The following VSTM2L variants were observed in gnomAD, a reference collection of about 807,000 sequenced individuals.
VSTM2L encodes the protein V-set and transmembrane domain-containing protein 2-like protein.
A neutral mutation model predicts 19.9 loss-of-function variants in VSTM2L; 9 were observed. The ratio of observed to expected loss-of-function variants is 0.45; its 90% CI spans 0.27 to 0.79. The LOEUF is 0.79. Ranked by LOEUF, VSTM2L falls within the 30% of genes least tolerant of loss-of-function variation. The probability of loss-of-function intolerance (pLI) is 0.15; values close to 1 mark genes in which losing one functional copy is unlikely to be tolerated. For missense variants in VSTM2L, 286 were observed against 295.5 expected (o/e 0.97, Z 0.24); for synonymous variants, 127 against 133.8 (o/e 0.95, Z 0.35).
At chr20:37,916,699 G>A (rs1395858061) in intron 1 of VSTM2L, among the ~76,000 whole-genome samples, 2 of 152,178 alleles carry the variant, frequency 1.3e-5, no homozygotes, top group Admixed American at 1.3e-4. Context: ...GGTTGTTTTG[G>A]GGATTAGGTA....
intron 1 of VSTM2L, among the ~76,000 whole-genome samples, chr20:37,918,836 A>T (rs906040364): frequency 6.6e-6 from 1 of 152,160 alleles, no homozygotes; most frequent in Non-Finnish European, 1.5e-5. Flanking sequence ...CTCCAGGCAG[A>T]CACGAGCCTA....
chr20:37,932,244 G>A (rs571559317), intron 2 of VSTM2L, among the ~76,000 whole-genome samples: 16 of 152,222 alleles, frequency 1.1e-4, no homozygotes, highest in East Asian at 1.9e-4. Flanking sequence ...ACACGCATAC[G>A]TGCACCAGGC....
chr20:37,912,984 G>A (rs531974154), intron 1 of VSTM2L, among the ~76,000 whole-genome samples: 10 of 150,974 alleles, frequency 6.6e-5, no homozygotes, highest in African/African-American at 1.7e-4. Flanking sequence ...TCTTCTCACC[G>A]CCCCCACCCA....
At chr20:37,937,049 C>T (rs891038308) in intron 3 of VSTM2L, among the ~76,000 whole-genome samples, 11 of 152,008 alleles carry the variant, frequency 7.2e-5, no homozygotes, top group East Asian at 1.9e-4. Context: ...AGTGACACCC[C>T]GTCTCTACTA....
chr20:37,911,878 ATGTATGTGCG>A (rs1031529240), intron 1 of VSTM2L, among the ~76,000 whole-genome samples: 1 of 147,516 alleles, frequency 6.8e-6, no homozygotes, highest in African/African-American at 2.5e-5. Context: ...TGCAGCCAGC[ATGTATGTGCG>A]TGTATGTGTG....
intron 2 of VSTM2L, among the ~76,000 whole-genome samples, chr20:37,932,067 G>A (rs1018479564): frequency 1.3e-5 from 2 of 152,214 alleles, no homozygotes; most frequent in Admixed American, 1.3e-4. Context: ...AGGGCACAGA[G>A]GGCCTCCCTT....
chr20:37,922,640 G>A (rs898342121), intron 1 of VSTM2L, among the ~76,000 whole-genome samples: 4 of 152,202 alleles, frequency 2.6e-5, no homozygotes, highest in Admixed American at 2.0e-4. Flanking sequence ...AGGCATCCTG[G>A]AGGAGGCAGC....
intron 1 of VSTM2L, among the ~76,000 whole-genome samples, chr20:37,928,692 C>G (rs1190443388): frequency 2.0e-5 from 3 of 152,130 alleles, no homozygotes; most frequent in Non-Finnish European, 4.4e-5. Flanking sequence ...GAGGTCAAGG[C>G]TGCCGCAAGC....
intron 3 of VSTM2L, among the ~76,000 whole-genome samples, chr20:37,937,339 C>G (rs2072946515): frequency 6.6e-6 from 1 of 152,120 alleles, no homozygotes; most frequent in East Asian, 1.9e-4. Context: ...AACTTGGGCC[C>G]AGGGAAGGAC....
At position 37,909,679 on chromosome 20, in the gene VSTM2L, C is replaced by A. The variant is rs2072769031; in HGVS notation, c.121+6208C>A. Reference sequence around the variant, plus strand: ...ATCCTGGAGTGGGCAAGGCTGATGGCACCTTGCAGTGGGTGGGCCCAGGCT... The same window carrying A: ...ATCCTGGAGTGGGCAAGGCTGATGGAACCTTGCAGTGGGTGGGCCCAGGCT... On this transcript the variant is annotated intron_variant, in intron 1 of 3. Transcript: ENST00000373461. 2.0e-5 allele frequency among the ~76,000 whole-genome samples: 3 copies of A among 152,192 alleles called. No individual in the cohort carries two copies. The South Asian group carries it at 6.2e-4, about 32-fold the overall frequency.
intron 3 of VSTM2L, among the ~76,000 whole-genome samples, chr20:37,940,228 G>A (rs563215843): frequency 6.4e-4 from 97 of 152,366 alleles, no homozygotes; most frequent in Non-Finnish European, 1.2e-3. Context: ...AGAGCACACA[G>A]GACCACAGGG....
rs778806227 is a variant in VSTM2L, at chr20:37,903,346, G to T, written c.-5G>T. On this transcript the variant is annotated 5_prime_UTR_variant, in exon 1 of 4. Transcript: ENST00000373461. ...GCGGCGGCGCCCCCGGCCCGAGAGC[G>T]CACGATGGGGGCCCCGCTCGCCGTA... 6.9e-7 allele frequency: 1 copy of T among 1,457,304 alleles called. No homozygotes were observed. The highest frequency in any genetic ancestry group is 1.3e-5 in the South Asian group (1 of 75,840). 90.3% of individuals were successfully genotyped at this position (1,457,304 alleles called of 1,614,324 possible).
At chr20:37,934,314 G>A (rs2072927478) in intron 3 of VSTM2L, among the ~76,000 whole-genome samples, 2 of 152,302 alleles carry the variant, frequency 1.3e-5, no homozygotes, top group South Asian at 2.1e-4. Context: ...GAGGCAGACA[G>A]GAGACAGGAG....
chr20:37,912,559 G>A (rs1460649284), intron 1 of VSTM2L, among the ~76,000 whole-genome samples: 2 of 152,212 alleles, frequency 1.3e-5, no homozygotes, highest in African/African-American at 4.8e-5. Flanking sequence ...AGTGCAGGCT[G>A]AGAGGGAGCC....
At chr20:37,939,115 T>C (rs369585256) in intron 3 of VSTM2L, among the ~76,000 whole-genome samples, 104 of 152,226 alleles carry the variant, frequency 6.8e-4, no homozygotes, top group African/African-American at 2.4e-3. Flanking sequence ...ATAAGAGTGA[T>C]GAAGCTTGGC....
chr20:37,943,924 C>G, intron 3 of VSTM2L, 57 bp from the exon 4 acceptor site: 3 of 325,894 alleles, frequency 9.2e-6, no homozygotes, highest in Non-Finnish European at 1.3e-5. Flanking sequence ...CCCCCCGACT[C>G]TTCTTCTCCC....
intron 1 of VSTM2L, among the ~76,000 whole-genome samples, chr20:37,929,489 C>G (rs2072896809): frequency 6.6e-6 from 1 of 152,194 alleles, no homozygotes; most frequent in South Asian, 2.1e-4. Flanking sequence ...AATCCCAGCA[C>G]TTTGGGAAGC....
At chr20:37,934,432 C>T (rs1009904232) in intron 3 of VSTM2L, among the ~76,000 whole-genome samples, 5 of 152,152 alleles carry the variant, frequency 3.3e-5, no homozygotes, top group East Asian at 1.9e-4. Context: ...TTGGCAGGGG[C>T]GTGAGGCAAG....
intron 1 of VSTM2L, among the ~76,000 whole-genome samples, chr20:37,918,654 G>A (rs889129354): frequency 1.3e-5 from 2 of 152,168 alleles, no homozygotes; most frequent in African/African-American, 4.8e-5. Context: ...AGTAAATAAT[G>A]GTGCATGTGG....
Sources: gnomAD v4.1 joint callset for allele counts (sites outside exome capture counted in the v4.1 genomes callset) on GRCh38, gnomAD v4.1.1 for gene constraint, MANE v1.5 for transcripts, NCBI Gene and HGNC (gene_info 2026-07-23, HGNC 2026-07-21) for gene names.